Variants in PRELID2 observed in about 807,000 individuals in gnomAD.
PRELID2 encodes the protein PRELI domain containing 2.
PRELID2 carries 25 observed loss-of-function variants against 28.4 expected under a neutral mutation model. The observed-to-expected ratio is 0.88, with a 90% confidence interval of 0.64 to 1.23. The LOEUF (loss-of-function observed/expected upper bound fraction) is 1.23, where lower values mean the gene tolerates loss of function less well. PRELID2 is among the 50% of genes most tolerant of loss of function. PRELID2 has a pLI of 0.00. For synonymous variants in PRELID2, 76 were observed against 71.6 expected (o/e 1.06, Z -0.31); for missense variants, 201 against 214.4 (o/e 0.94, Z 0.39).
chr5:145,340,613 C>T, the PRELID2 span, among the ~76,000 whole-genome samples: 8 of 151,862 alleles, frequency 5.3e-5, no homozygotes, highest in African/African-American at 1.7e-4. Flanking sequence ...ACAAAAATTA[C>T]AAAAATTAGC....
At chr5:145,633,207 C>T (rs1581015366) in intron 1 of PRELID2, among the ~76,000 whole-genome samples, 1 of 152,316 alleles carries the variant, frequency 6.6e-6, no homozygotes, top group Admixed American at 6.5e-5. Context: ...CATGCCTGGT[C>T]TCCTGACCCA....
At chr5:145,631,877 A>G (rs1753937734) in intron 1 of PRELID2, among the ~76,000 whole-genome samples, 1 of 152,234 alleles carries the variant, frequency 6.6e-6, no homozygotes, top group South Asian at 2.1e-4. Flanking sequence ...TCTAAAATAC[A>G]TAAGAGAAAC....
chr5:145,479,201 T>G (rs988865981), intron 1 of PRELID2, among the ~76,000 whole-genome samples: 3 of 152,264 alleles, frequency 2.0e-5, no homozygotes, highest in African/African-American at 7.2e-5. Context: ...CCCTTAAAAC[T>G]TGCCCCAGAT....
rs116757662 is a variant in PRELID2 at position 145,550,415 on chromosome 5, A to C, written n.71-77100T>G. ...TTTCACAAGTTATTTTTAAGCACTTAAAAATGTAAGATTAGCCAGGTGTGG... is the reference window on the plus strand; with the variant it reads ...TTTCACAAGTTATTTTTAAGCACTTCAAAATGTAAGATTAGCCAGGTGTGG... On this transcript the variant is annotated intron_variant and non_coding_transcript_variant, in intron 1 of 2. Coordinates refer to the PRELID2 transcript ENST00000510259. Among the ~76,000 whole-genome samples the C allele has an allele frequency of 2.9e-3, 438 of 152,282 alleles. 1 individual carries two copies. The highest frequency in any genetic ancestry group is 9.9e-3 in the African/African-American group (412 of 41,566).
chr5:145,451,875 T>C, the PRELID2 span, among the ~76,000 whole-genome samples: 2 of 152,246 alleles, frequency 1.3e-5, no homozygotes, highest in Non-Finnish European at 2.9e-5. Context: ...GCCTGAATTA[T>C]GTGGGGTAGG....
chr5:145,832,337 C>G (rs1755647850), intron 1 of PRELID2, among the ~76,000 whole-genome samples: 1 of 152,064 alleles, frequency 6.6e-6, no homozygotes. Flanking sequence ...GCATAGGGCA[C>G]CACACCTGGC....
At chr5:145,276,317 C>G in the PRELID2 span, among the ~76,000 whole-genome samples, 6,161 of 152,152 alleles carry the variant, frequency 0.04, 382 homozygotes, top group African/African-American at 0.14. Context: ...AATATCTCAT[C>G]TAAGTTGCTG....
chr5:145,562,982 T>C (rs17103393), intron 1 of PRELID2, among the ~76,000 whole-genome samples: 34,322 of 152,108 alleles, frequency 0.23, 6,209 homozygotes, highest in African/African-American at 0.51. Context: ...CATTCATGGA[T>C]ATTTCCCGTT....
At chr5:145,316,982 C>A in the PRELID2 span, among the ~76,000 whole-genome samples, 2 of 152,178 alleles carry the variant, frequency 1.3e-5, no homozygotes, top group African/African-American at 2.4e-5. Flanking sequence ...AAGAAGAAAT[C>A]AGATTCCACC....
At chr5:145,434,771 A>G in the PRELID2 span, among the ~76,000 whole-genome samples, 2 of 152,136 alleles carry the variant, frequency 1.3e-5, no homozygotes, top group African/African-American at 4.8e-5. Flanking sequence ...AAGAATATAT[A>G]ACCCTAGTCA....
intron 1 of PRELID2, among the ~76,000 whole-genome samples, chr5:145,535,607 T>C (rs527954679): frequency 6.6e-6 from 1 of 151,968 alleles, no homozygotes; most frequent in East Asian, 1.9e-4. Context: ...ATGAGTCCTC[T>C]AGGGCATGAG....
At chr5:145,300,704 T>G in the PRELID2 span, among the ~76,000 whole-genome samples, 1 of 149,952 alleles carries the variant, frequency 6.7e-6, no homozygotes, top group African/African-American at 2.4e-5. Context: ...TATTTACTTT[T>G]TTTTTTTTTT....
At chr5:145,344,605 C>T in the PRELID2 span, among the ~76,000 whole-genome samples, 1 of 152,000 alleles carries the variant, frequency 6.6e-6, no homozygotes, top group Admixed American at 6.6e-5. Context: ...AAAAAACAGA[C>T]TTGATTTTAT....
In PRELID2 at chr5:145,728,799, G is replaced by A. The variant is rs926881752; in HGVS notation, n.70+36132C>T. The stretch of plus-strand genomic sequence containing the variant: ...AATGTAGTAGGAGTAGAAGTTGTAC[G>A]TTCCAATCATAAAGGCCACAAACAC... On this transcript the variant is annotated intron_variant and non_coding_transcript_variant, in intron 1 of 2. Coordinates refer to the PRELID2 transcript ENST00000510259. The A allele has an allele frequency of 5.8e-5, 63 of 1,084,022 alleles. No individual in the cohort carries two copies. The Middle Eastern group carries it at 1.0e-3, about 18-fold the overall frequency. The allele number at this position is 1,084,022 out of a possible 1,614,324, so 67.2% of individuals were successfully genotyped here. A position where few individuals can be genotyped will look rare whatever the true frequency, so the allele number is the denominator to read the frequency against.
At chr5:145,471,124 G>A (rs1752049461), downstream of PRELID2, among the ~76,000 whole-genome samples, 1 of 152,068 alleles carries the variant, frequency 6.6e-6, no homozygotes, top group Admixed American at 6.6e-5. Context: ...AGAATTAACT[G>A]CTTAACAAAG....
chr5:145,455,894 A>C, the PRELID2 span, among the ~76,000 whole-genome samples: 1 of 152,168 alleles, frequency 6.6e-6, no homozygotes, highest in Admixed American at 6.5e-5. Flanking sequence ...TCCCAGTGAG[A>C]TAAGCCAGGT....
chr5:145,304,514 G>A, the PRELID2 span, among the ~76,000 whole-genome samples: 1 of 152,056 alleles, frequency 6.6e-6, no homozygotes, highest in Non-Finnish European at 1.5e-5. Flanking sequence ...AAATTTTGAG[G>A]TGAGGTTAAT....
chr5:145,607,746 T>C (rs1753525280), intron 1 of PRELID2, among the ~76,000 whole-genome samples: 1 of 152,142 alleles, frequency 6.6e-6, no homozygotes, highest in Admixed American at 6.6e-5. Flanking sequence ...ATTATGTATA[T>C]GTCTGTTAGG....
At chr5:145,338,535 A>G in the PRELID2 span, among the ~76,000 whole-genome samples, 6 of 152,234 alleles carry the variant, frequency 3.9e-5, no homozygotes, top group Admixed American at 3.3e-4. Flanking sequence ...TAGGAAGTTA[A>G]TAACATTTGA....
Sources: allele counts gnomAD v4.1 joint callset (sites outside exome capture counted in the v4.1 genomes callset), GRCh38; gene constraint gnomAD v4.1.1; transcripts MANE v1.5; gene names NCBI Gene and HGNC (gene_info 2026-07-23, HGNC 2026-07-21).